Variants in OLFM4 observed in about 807,000 individuals in gnomAD.
OLFM4 encodes the protein olfactomedin 4.
OLFM4 carries 22 observed loss-of-function variants against 25.5 expected under a neutral mutation model. The observed-to-expected ratio is 0.86, with a 90% confidence interval of 0.62 to 1.23. The LOEUF is 1.23. Among genes scored for constraint, OLFM4 ranks in the 50% most tolerant of loss-of-function variants. The pLI is 0.00. For missense variants in OLFM4, 594 were observed against 619.4 expected (o/e 0.96, Z 0.44); for synonymous variants, 255 against 237.7 (o/e 1.07, Z -0.67).
chr13:53,040,244 G>A (rs1485372758), intron 2 of OLFM4, among the ~76,000 whole-genome samples: 1 of 152,154 alleles, frequency 6.6e-6, no homozygotes, highest in Non-Finnish European at 1.5e-5. Context: ...AAACTGCCAA[G>A]GGAATTTTTG....
intron 4 of OLFM4, among the ~76,000 whole-genome samples, chr13:53,044,888 C>G (rs970189469): frequency 6.6e-6 from 1 of 152,250 alleles, no homozygotes; most frequent in East Asian, 1.9e-4. Flanking sequence ...CCCCAACACC[C>G]CTTGCAAATC....
intron 1 of OLFM4, among the ~76,000 whole-genome samples, chr13:53,033,581 C>T (rs1026553418): frequency 5.9e-5 from 9 of 152,190 alleles, no homozygotes; most frequent in Admixed American, 1.3e-4. Flanking sequence ...AGGGACTTGG[C>T]TCACATTACT....
Position 53,028,891 on chromosome 13 carries a change from G to A in OLFM4, c.55G>A (p.Ala19Thr). 6.2e-7 allele frequency: 1 copy of A among 1,614,222 alleles called. No individual in the cohort carries two copies. Reference protein sequence around the residue: ...LALLFFLGQAAGDLGDVGPPI... With the variant: ...LALLFFLGQATGDLGDVGPPI... ...CCTTCTGTTCTTCCTTGGCCAAGCT[G>A]CAGGGGATTTGGGGGATGTGGGACC... Residue 19 changes from alanine (A) to threonine (T), a missense_variant, in exon 1 of 5, where the codon GCA becomes ACA. Coordinates refer to ENST00000219022, the MANE Select transcript of OLFM4 (RefSeq NM_006418.5).
intron 2 of OLFM4, among the ~76,000 whole-genome samples, chr13:53,036,577 G>A (rs1479550865): frequency 1.3e-5 from 2 of 152,094 alleles, no homozygotes; most frequent in Non-Finnish European, 2.9e-5. Context: ...TGCAGAATAG[G>A]TGGGAAAGTT....
intron 1 of OLFM4, among the ~76,000 whole-genome samples, chr13:53,029,248 G>T (rs1404904983): frequency 6.6e-6 from 1 of 152,178 alleles, no homozygotes; most frequent in Non-Finnish European, 1.5e-5. Context: ...CAGTTCTCCA[G>T]CTGGGACTTT....
intron 4 of OLFM4, among the ~76,000 whole-genome samples, chr13:53,047,630 C>T (rs1954722395): frequency 6.6e-6 from 1 of 152,056 alleles, no homozygotes; most frequent in South Asian, 2.1e-4. Context: ...TTAATATTTA[C>T]ACTGGGCAAT....
chr13:53,036,212 C>T (rs1459518371), intron 2 of OLFM4, among the ~76,000 whole-genome samples: 1 of 152,114 alleles, frequency 6.6e-6, no homozygotes, highest in Non-Finnish European at 1.5e-5. Flanking sequence ...AATATAATGT[C>T]CTTGAATTAA....
chr13:53,035,320 A>ATT (rs80104065), intron 2 of OLFM4, among the ~76,000 whole-genome samples: 28 of 149,522 alleles, frequency 1.9e-4, no homozygotes, highest in African/African-American at 4.4e-4. Flanking sequence ...TTTTAATCTT[A>ATT]TTTTTTTTTG....
At chr13:53,029,341 T>C (rs1161688114) in intron 1 of OLFM4, among the ~76,000 whole-genome samples, 2 of 152,260 alleles carry the variant, frequency 1.3e-5, no homozygotes, top group Middle Eastern at 3.4e-3. Flanking sequence ...AAAGTACAGA[T>C]GCCTGGGTTC....
chr13:53,039,416 C>T (rs1445121429), intron 2 of OLFM4, among the ~76,000 whole-genome samples: 2 of 152,124 alleles, frequency 1.3e-5, no homozygotes, highest in Admixed American at 6.5e-5. Flanking sequence ...CCTCCATAGC[C>T]TTGGTTCCGC....
At position 53,050,597 on chromosome 13, in the gene OLFM4, T is replaced by A; in HGVS notation, c.1359T>A (p.Ile453=). The change falls in exon 5 of 5, where the codon ATT becomes ATA. Residue 453 remains isoleucine, a synonymous_variant. Transcript: ENST00000219022. Reference sequence around the variant, plus strand: ...CTATGAACACCAGAACAGAAGAGATTTTTTACTATTATGACACAAACACAG... The same window carrying A: ...CTATGAACACCAGAACAGAAGAGATATTTTACTATTATGACACAAACACAG... ...TRTMNTRTEE[I]FYYYDTNTGK... 1 of 1,613,924 alleles carries A rather than the reference T, an allele frequency of 6.2e-7. No individual in the cohort carries two copies. The highest frequency in any genetic ancestry group is 8.5e-7 in the Non-Finnish European group (1 of 1,179,974).
intron 4 of OLFM4, among the ~76,000 whole-genome samples, chr13:53,048,939 G>A (rs1241857633): frequency 3.3e-5 from 5 of 152,152 alleles, no homozygotes; most frequent in African/African-American, 1.2e-4. Flanking sequence ...TAAAAATACT[G>A]GAGGAACTTT....
intron 1 of OLFM4, among the ~76,000 whole-genome samples, chr13:53,030,315 T>C (rs1954622134): frequency 6.6e-6 from 1 of 152,144 alleles, no homozygotes; most frequent in Non-Finnish European, 1.5e-5. Flanking sequence ...TGTTTGTTTG[T>C]TTTTTGAGAC....
intron 3 of OLFM4, 61 bp downstream of exon 3, chr13:53,042,183 A>C (rs758829911): frequency 1.4e-5 from 19 of 1,390,312 alleles, no homozygotes; most frequent in Non-Finnish European, 1.8e-5. Flanking sequence ...GACTGTAAGC[A>C]AGTACTAGTA....
chr13:53,040,218 A>T (rs987837788), intron 2 of OLFM4, among the ~76,000 whole-genome samples: 1 of 152,252 alleles, frequency 6.6e-6, no homozygotes. Context: ...CCACTTGGAT[A>T]TTCCAATTAT....
intron 2 of OLFM4, among the ~76,000 whole-genome samples, chr13:53,041,327 T>A (rs575938765): frequency 2.0e-5 from 3 of 152,130 alleles, no homozygotes; most frequent in Non-Finnish European, 4.4e-5. Context: ...TGTAGGAACA[T>A]GGATAGAGAG....
intron 2 of OLFM4, among the ~76,000 whole-genome samples, chr13:53,040,838 T>C (rs1954683142): frequency 6.6e-6 from 1 of 152,176 alleles, no homozygotes; most frequent in African/African-American, 2.4e-5. Context: ...GGGGAGTTAA[T>C]GTCTTCAAAC....
intron 1 of OLFM4, among the ~76,000 whole-genome samples, chr13:53,033,919 G>A (rs1954642210): frequency 6.6e-6 from 1 of 152,172 alleles, no homozygotes; most frequent in Non-Finnish European, 1.5e-5. Flanking sequence ...AATTAGCCAG[G>A]CGTGGTGGCG....
chr13:53,044,492 T>C (rs1954705090), intron 4 of OLFM4, among the ~76,000 whole-genome samples: 1 of 152,188 alleles, frequency 6.6e-6, no homozygotes, highest in South Asian at 2.1e-4. Flanking sequence ...TTTTTAAGGC[T>C]TCAATTATTA....
Sources: allele counts gnomAD v4.1 joint callset (sites outside exome capture counted in the v4.1 genomes callset), GRCh38; gene constraint gnomAD v4.1.1; transcripts MANE v1.5; gene names NCBI Gene and HGNC (gene_info 2026-07-23, HGNC 2026-07-21).